TENM3: variants seen among roughly 807,000 people sequenced by gnomAD.
TENM3 encodes teneurin-3.
A neutral mutation model predicts 255.1 loss-of-function variants in TENM3; 63 were observed. That is an observed-to-expected ratio of 0.25 (90% CI 0.20 to 0.30). The LOEUF (loss-of-function observed/expected upper bound fraction) is 0.30. Among genes scored for constraint, TENM3 ranks in the 10% least tolerant of loss-of-function variants. The pLI is 1.00. For missense variants in TENM3, 2,929 were observed against 3,461.1 expected (o/e 0.85, Z 3.86); for synonymous variants, 1,306 against 1,322.3 (o/e 0.99, Z 0.27).
the TENM3 span, among the ~76,000 whole-genome samples, chr4:181,718,490 G>A: frequency 6.6e-6 from 1 of 152,118 alleles, no homozygotes; most frequent in Non-Finnish European, 1.5e-5. Context: ...ACCTCCTATA[G>A]TGGATTTTAG....
the TENM3 span, among the ~76,000 whole-genome samples, chr4:181,785,344 C>T: frequency 1.3e-5 from 2 of 152,194 alleles, no homozygotes; most frequent in South Asian, 2.1e-4. Flanking sequence ...GGAGCGAAGC[C>T]CTGCCTGCCC....
intron 3 of TENM3, among the ~76,000 whole-genome samples, chr4:182,549,544 G>GTTTT (rs1741800204): frequency 7.2e-5 from 11 of 152,162 alleles, no homozygotes; most frequent in Non-Finnish European, 1.3e-4. Flanking sequence ...GCAAATGTTA[G>GTTTT]GCTTGTCAGC....
chr4:182,018,841 T>A, the TENM3 span, among the ~76,000 whole-genome samples: 1 of 152,220 alleles, frequency 6.6e-6, no homozygotes, highest in Non-Finnish European at 1.5e-5. Flanking sequence ...CATCTGATTC[T>A]ATAGTAACCC....
intron 1 of TENM3, among the ~76,000 whole-genome samples, chr4:182,315,565 G>A (rs1264305749): frequency 6.6e-6 from 1 of 152,052 alleles, no homozygotes; most frequent in Non-Finnish European, 1.5e-5. Context: ...AAATGCCCTG[G>A]TGTAGTTTTG....
the TENM3 span, among the ~76,000 whole-genome samples, chr4:181,538,318 T>G: frequency 6.6e-6 from 1 of 152,184 alleles, no homozygotes; most frequent in African/African-American, 2.4e-5. Context: ...TTTACTCACT[T>G]ATTCATTTAT....
the TENM3 span, among the ~76,000 whole-genome samples, chr4:181,733,519 A>G: frequency 7.2e-5 from 11 of 152,322 alleles, no homozygotes; most frequent in East Asian, 1.9e-3. Flanking sequence ...TTTGCCTTAG[A>G]TAACGCTTGA....
chr4:182,639,926 C>G (rs2152491578), intron 5 of TENM3, among the ~76,000 whole-genome samples: 1 of 152,034 alleles, frequency 6.6e-6, no homozygotes, highest in Non-Finnish European at 1.5e-5. Flanking sequence ...CCCGTCTCTG[C>G]TAAAATACAA....
intron 3 of TENM3, among the ~76,000 whole-genome samples, chr4:182,537,347 C>A (rs1740436214): frequency 6.6e-6 from 1 of 152,102 alleles, no homozygotes; most frequent in Non-Finnish European, 1.5e-5. Context: ...AATATCATTG[C>A]CGTCTCTTTC....
chr4:181,898,623 T>G, the TENM3 span, among the ~76,000 whole-genome samples: 1 of 152,206 alleles, frequency 6.6e-6, no homozygotes, highest in Non-Finnish European at 1.5e-5. Context: ...GCATTCATCT[T>G]TCTGAATTAA....
At chr4:182,283,850 A>G (rs1760558108) in intron 1 of TENM3, among the ~76,000 whole-genome samples, 1 of 152,102 alleles carries the variant, frequency 6.6e-6, no homozygotes, top group Non-Finnish European at 1.5e-5. Context: ...TCGATTTCTG[A>G]CATTTTTCAC....
chr4:182,591,357 A>G (rs1746631407), intron 3 of TENM3, among the ~76,000 whole-genome samples: 1 of 152,206 alleles, frequency 6.6e-6, no homozygotes, highest in African/African-American at 2.4e-5. Flanking sequence ...TAACCCAGTA[A>G]GTACAGTGAA....
the TENM3 span, among the ~76,000 whole-genome samples, chr4:181,652,570 T>C: frequency 2.4e-4 from 36 of 152,202 alleles, no homozygotes; most frequent in African/African-American, 7.7e-4. Flanking sequence ...TAATCCCACG[T>C]TGGACTGCAC....
the TENM3 span, among the ~76,000 whole-genome samples, chr4:181,551,886 G>A: frequency 0.45 from 51,240 of 113,480 alleles, 9,943 homozygotes; most frequent in Middle Eastern, 0.53. Flanking sequence ...GTGTGTGTGT[G>A]TGTATATAAA....
chr4:182,431,259 A>AC (rs1455459583), intron 3 of TENM3, among the ~76,000 whole-genome samples: 1 of 151,520 alleles, frequency 6.6e-6, no homozygotes, highest in Non-Finnish European at 1.5e-5. Context: ...ACTTTGGGAG[A>AC]CCGAGACAGG....
chr4:181,895,821 A>G, the TENM3 span, among the ~76,000 whole-genome samples: 1 of 152,058 alleles, frequency 6.6e-6, no homozygotes, highest in Non-Finnish European at 1.5e-5. Context: ...CTGGGATTAC[A>G]GTTGTGAGCC....
At chr4:182,160,856 T>A (rs2149628415) in intron 1 of TENM3, among the ~76,000 whole-genome samples, 1 of 152,280 alleles carries the variant, frequency 6.6e-6, no homozygotes, top group Middle Eastern at 3.4e-3. Context: ...ATGATAAATA[T>A]TTGAAGTGAG....
At chr4:181,975,608 G>T in the TENM3 span, 3 of 152,252 alleles carry the variant, frequency 2.0e-5, no homozygotes, top group African/African-American at 7.2e-5. Context: ...CATGTTGGAA[G>T]TAGGTTGTGA....
At chr4:181,560,111 G>T in the TENM3 span, among the ~76,000 whole-genome samples, 1 of 152,182 alleles carries the variant, frequency 6.6e-6, no homozygotes, top group African/African-American at 2.4e-5. Context: ...TGCATTTCTC[G>T]TGGTCTTGGA....
chr4:181,641,823 T>C, the TENM3 span, among the ~76,000 whole-genome samples: 5 of 119,528 alleles, frequency 4.2e-5, no homozygotes, highest in African/African-American at 1.3e-4. Flanking sequence ...TATATATATA[T>C]ATATATATAT....
Sources: gnomAD v4.1 joint callset for allele counts (sites outside exome capture counted in the v4.1 genomes callset) on GRCh38, gnomAD v4.1.1 for gene constraint, MANE v1.5 for transcripts, NCBI Gene and HGNC (gene_info 2026-07-23, HGNC 2026-07-21) for gene names.